The following MMS22L variants were observed in gnomAD, a reference collection of about 807,000 sequenced individuals.
MMS22L encodes protein MMS22-like.
Under a neutral mutation model 159.1 loss-of-function variants are expected in MMS22L, and 74 were observed. The observed-to-expected ratio is 0.47, with a 90% CI of 0.39 to 0.56. The LOEUF (loss-of-function observed/expected upper bound fraction) is 0.56, where lower values mean the gene tolerates loss of function less well. MMS22L is among the 20% of genes least tolerant of loss of function. The pLI, the probability that MMS22L is intolerant of heterozygous loss-of-function variation, is 0.00. For missense variants in MMS22L, 1,351 were observed against 1,422.1 expected, an observed-to-expected ratio of 0.95 and a Z score of 0.80; for synonymous variants, 517 against 506.9, an observed-to-expected ratio of 1.02 and a Z score of -0.27.
At position 97,231,553 on chromosome 6, in the gene MMS22L, C is replaced by T. The variant is rs202028761; in HGVS notation, c.1402G>A (p.Asp468Asn). 72 of 1,613,564 alleles carry T rather than the reference C, an allele frequency of 4.5e-5. 1 individual carries two copies. The highest frequency in any genetic ancestry group is 3.6e-5 in the Non-Finnish European group (42 of 1,179,802). Reference sequence around the variant, plus strand: ...TTATATAGTTCCTGATCTTGTTTATCGCAACAGCAAGTCTTCACCATTTCA... The same window carrying T: ...TTATATAGTTCCTGATCTTGTTTATTGCAACAGCAAGTCTTCACCATTTCA... ...MLEMVKTCCC[D>N]KQDQELYKSS... Residue 468 changes from aspartate to asparagine, a missense_variant, in exon 13 of 25, where the codon GAT (aspartate) becomes AAT (asparagine). Coordinates refer to ENST00000683635, the MANE Select transcript of MMS22L (RefSeq NM_001350599.2).
chr6:97,258,978 C>T (rs1388604497), intron 9 of MMS22L: 1 of 152,070 alleles, frequency 6.6e-6, no homozygotes, highest in Non-Finnish European at 1.5e-5. Flanking sequence ...TAACACGATT[C>T]TAAAGTCAGA....
intron 18 of MMS22L, among the ~76,000 whole-genome samples, chr6:97,176,134 CT>C (rs1184166131): frequency 6.6e-6 from 1 of 152,068 alleles, no homozygotes; most frequent in Non-Finnish European, 1.5e-5. Context: ...GTGAAACTGG[CT>C]TTTTCTTCTG....
chr6:97,158,262 A>G (rs1802065072), intron 22 of MMS22L, among the ~76,000 whole-genome samples: 1 of 152,066 alleles, frequency 6.6e-6, no homozygotes, highest in Non-Finnish European at 1.5e-5. Context: ...TTTTCAAAAA[A>G]CCAGCTCCTG....
chr6:97,258,500 G>C (rs1343405730), intron 9 of MMS22L, among the ~76,000 whole-genome samples: 1 of 152,062 alleles, frequency 6.6e-6, no homozygotes, highest in Non-Finnish European at 1.5e-5. Context: ...AGGAAATGGA[G>C]GTATGCACAC....
intron 6 of MMS22L, chr6:97,270,367 G>C (rs1582858216): frequency 1.4e-5 from 6 of 441,370 alleles, no homozygotes; most frequent in Admixed American, 1.3e-4. Context: ...TTTAATGTAT[G>C]AGTACCCAGG....
chr6:97,182,608 T>C (rs1227376832), intron 15 of MMS22L, among the ~76,000 whole-genome samples: 1 of 152,184 alleles, frequency 6.6e-6, no homozygotes, highest in Admixed American at 6.5e-5. Flanking sequence ...TGATTTTTCT[T>C]GGGAACCCAT....
intron 14 of MMS22L, among the ~76,000 whole-genome samples, chr6:97,217,581 T>C (rs1809158578): frequency 3.3e-5 from 5 of 152,138 alleles, no homozygotes; most frequent in Admixed American, 3.3e-4. Context: ...TAAAGCTTCA[T>C]TCACCTCCCA....
chr6:97,278,748 C>T, intron 4 of MMS22L, 101 bp downstream of exon 4: 3 of 883,510 alleles, frequency 3.4e-6, no homozygotes, highest in Middle Eastern at 2.3e-4. Context: ...AATGCTTCCT[C>T]TGTATTATCA....
Position 97,229,282 on chromosome 6 carries a change from C to T in MMS22L, c.1651G>A (p.Val551Ile). 1 of 1,614,148 alleles carries T rather than the reference C, an allele frequency of 6.2e-7. No individual in the cohort carries two copies. Among genetic ancestry groups the T allele is most frequent in the Non-Finnish European group, 8.5e-7 (1 of 1,180,016 alleles). ...VAEVEDVASH[V>I]LDLLNFLKPA... The stretch of plus-strand genomic sequence containing the variant: ...TTGAGGAAATTCAGGAGGTCTAAAA[C>T]ATGACTTGCAACATCTTCTACCTCT... The change falls in exon 14 of 25, where the codon GTT becomes ATT. Residue 551 changes from valine (V) to isoleucine (I), a missense_variant. Transcript: ENST00000683635.
chr6:97,182,132 T>A, intron 15 of MMS22L, 78 bp from the exon 16 acceptor site: 1 of 1,128,130 alleles, frequency 8.9e-7, no homozygotes. Flanking sequence ...TGGCCAATTA[T>A]AACAAGTGTT....
At position 97,229,210 on chromosome 6, in the gene MMS22L, T is replaced by C; in HGVS notation, c.1723A>G (p.Met575Val). 12 of 1,614,068 alleles carry C rather than the reference T, an allele frequency of 7.4e-6. No homozygotes were observed. The highest frequency in any genetic ancestry group is 9.3e-6 in the Non-Finnish European group (11 of 1,179,954). Residue 575 changes from methionine (M) to valine (V), a missense_variant, in exon 14 of 25, where the codon ATG becomes GTG. Transcript: ENST00000683635. ...TGGGCATACATCAAGAGGAAGGCCA[T>C]GTGACCCTTCCAAATGAGGGCTCTC... ...SQRALIWKGH[M>V]AFLLMYAQKN...
At chr6:97,214,693 T>TTG (rs1554266724) in intron 14 of MMS22L, among the ~76,000 whole-genome samples, 3 of 150,504 alleles carry the variant, frequency 2.0e-5, no homozygotes, top group African/African-American at 7.3e-5. Flanking sequence ...TTGTTTTTTT[T>TTG]TTTTTTTCAA....
rs1356872592 is a variant in MMS22L at position 97,145,021 on chromosome 6, A to ACCCC, written c.*1784_*1785insGGGG. On this transcript the variant is annotated 3_prime_UTR_variant, in exon 25 of 25. Coordinates refer to ENST00000683635, the MANE Select transcript of MMS22L (RefSeq NM_001350599.2). ...TTATCAATCTCCTTTGGAAAAAAAA[A>ACCCC]ACCCACACACACACACACACACACA... The ACCCC allele has an allele frequency of 3.3e-5, 3 of 90,750 alleles. 1 individual carries two copies. The highest frequency in any genetic ancestry group is 9.2e-5 in the African/African-American group (2 of 21,842). 5.6% of individuals were successfully genotyped at this position (90,750 alleles called of 1,614,324 possible). A position where few individuals can be genotyped will look rare whatever the true frequency, so the allele number is the denominator to read the frequency against.
intron 22 of MMS22L, among the ~76,000 whole-genome samples, chr6:97,159,774 A>G (rs1290656254): frequency 1.3e-5 from 2 of 151,944 alleles, no homozygotes; most frequent in African/African-American, 2.4e-5. Flanking sequence ...TAAGGTATAT[A>G]TGAAACATAA....
rs150829336 is a variant in MMS22L, at chr6:97,282,186, T to C, written c.164+128A>G. On this transcript the variant is annotated intron_variant, in intron 2 of 24. Coordinates refer to ENST00000683635, the MANE Select transcript of MMS22L (RefSeq NM_001350599.2). ...GAACTGATAATCATTTGTACCCTTA[T>C]GATATACTAAGCTGATTTATAAAAC... The C allele has an allele frequency of 5.7e-6, 5 of 870,898 alleles. No individual in the cohort carries two copies. In the African/African-American group the frequency reaches 8.5e-5, roughly 15 times the overall value. 53.9% of individuals were successfully genotyped at this position (870,898 alleles called of 1,614,324 possible).
chr6:97,210,199 C>T (rs945430069), intron 14 of MMS22L, among the ~76,000 whole-genome samples: 2 of 151,762 alleles, frequency 1.3e-5, no homozygotes, highest in African/African-American at 4.8e-5. Context: ...TATCCTTAAA[C>T]CAGTAGTTCT....
chr6:97,267,090 A>C (rs1322226350), intron 8 of MMS22L: 2 of 152,208 alleles, frequency 1.3e-5, no homozygotes, highest in African/African-American at 4.8e-5. Context: ...TATATGATAA[A>C]TATGTATAAT....
At chr6:97,211,742 G>A (rs1384010491) in intron 14 of MMS22L, among the ~76,000 whole-genome samples, 2 of 152,068 alleles carry the variant, frequency 1.3e-5, no homozygotes, top group Non-Finnish European at 1.5e-5. Flanking sequence ...AAGAAATGCG[G>A]CAAAGTGTAT....
At chr6:97,174,086 C>G (rs1203776561) in intron 18 of MMS22L, among the ~76,000 whole-genome samples, 1 of 151,780 alleles carries the variant, frequency 6.6e-6, no homozygotes, top group Non-Finnish European at 1.5e-5. Flanking sequence ...AACCCCATCT[C>G]TACTAAAAAT....
Sources: gnomAD v4.1 joint callset for allele counts (sites outside exome capture counted in the v4.1 genomes callset) on GRCh38, gnomAD v4.1.1 for gene constraint, MANE v1.5 for transcripts, NCBI Gene and HGNC (gene_info 2026-07-23, HGNC 2026-07-21) for gene names.